NIPBL: variants seen among roughly 807,000 people sequenced by gnomAD.
The protein encoded by NIPBL is nipped-B-like protein.
NIPBL carries 19 observed loss-of-function variants against 321.8 expected under a neutral mutation model. The ratio of observed to expected loss-of-function variants is 0.06; its 90% CI spans 0.04 to 0.09. The LOEUF is 0.09. NIPBL is among the 10% of genes least tolerant of loss of function. The pLI, the probability that NIPBL is intolerant of heterozygous loss-of-function variation, is 1.00. For missense variants in NIPBL, 2,210 were observed against 3,327.0 expected, an observed-to-expected ratio of 0.66 and a Z score of 8.26; for synonymous variants, 1,106 against 1,114.1, an observed-to-expected ratio of 0.99 and a Z score of 0.14.
chr5:36,980,795 C>G (rs1274935505), intron 9 of NIPBL, among the ~76,000 whole-genome samples: 3 of 151,646 alleles, frequency 2.0e-5, no homozygotes, highest in Non-Finnish European at 4.4e-5. Context: ...CATTTGAAAA[C>G]TTTTGGAACT....
At position 37,045,605 on chromosome 5, in the gene NIPBL, T is replaced by G. The variant is rs1203552380; in HGVS notation, c.6498+8T>G. 14 of 1,612,910 alleles carry G rather than the reference T, an allele frequency of 8.7e-6. No homozygotes were observed. Among genetic ancestry groups the G allele is most frequent in the Non-Finnish European group, 1.2e-5 (14 of 1,178,954 alleles). On this transcript the variant is annotated splice_region_variant and intron_variant, in intron 37 of 46. Transcript: ENST00000282516. The stretch of plus-strand genomic sequence containing the variant: ...TTTAAAGGCAACAGCAAGGTAAAGG[T>G]AGTAATACTTAAAATGCTATAAAAC...
rs1579572757 is a variant in NIPBL, at chr5:37,049,292, T to C, written c.6945T>C (p.His2315=). 1 of 1,614,042 alleles carries C rather than the reference T, an allele frequency of 6.2e-7. No individual in the cohort carries two copies. ...TGACTCTAAATCAAGGTCTTATTCA[T>C]CCAGTTCAGGTAAGCATGTTTTATG... The part of the protein sequence containing the change: ...IALTLNQGLI[H]PVQCVPYLIA... The change falls in exon 40 of 47, where the codon CAT becomes CAC. Residue 2315 remains histidine (H), a synonymous_variant. Coordinates refer to ENST00000282516, the MANE Select transcript of NIPBL (RefSeq NM_133433.4).
chr5:36,957,155 C>A (rs1741058819), intron 3 of NIPBL, among the ~76,000 whole-genome samples: 1 of 152,056 alleles, frequency 6.6e-6, no homozygotes. Flanking sequence ...AAAACACTGC[C>A]TATACTTAAT....
intron 40 of NIPBL, among the ~76,000 whole-genome samples, chr5:37,050,189 G>C (rs947680061): frequency 6.6e-6 from 1 of 151,814 alleles, no homozygotes; most frequent in Non-Finnish European, 1.5e-5. Flanking sequence ...AAGGAGTCAG[G>C]TGCAGTGGCT....
intron 1 of NIPBL, among the ~76,000 whole-genome samples, chr5:36,952,083 T>TGC (rs1561070623): frequency 2.1e-5 from 3 of 145,026 alleles, no homozygotes; most frequent in East Asian, 2.1e-4. Flanking sequence ...CATGTGTGTG[T>TGC]GTAGCAGTTT....
At chr5:36,987,916 AT>A (rs1303399358) in intron 10 of NIPBL, among the ~76,000 whole-genome samples, 1 of 152,128 alleles carries the variant, frequency 6.6e-6, no homozygotes, top group Non-Finnish European at 1.5e-5. Flanking sequence ...TTTCTTTAAA[AT>A]TTTTTAGTGA....
chr5:36,880,508 C>A (rs1335937063), intron 1 of NIPBL, among the ~76,000 whole-genome samples: 2 of 151,892 alleles, frequency 1.3e-5, no homozygotes, highest in African/African-American at 2.4e-5. Flanking sequence ...AACAGTAATT[C>A]CTTTTAGAGA....
chr5:36,958,279 T>C (rs777729612), intron 4 of NIPBL, 48 bp downstream of exon 4: 1 of 1,590,290 alleles, frequency 6.3e-7, no homozygotes, highest in East Asian at 2.2e-5. Flanking sequence ...GTTTTATACA[T>C]ATTTAAATCC....
intron 32 of NIPBL, among the ~76,000 whole-genome samples, chr5:37,033,031 A>G (rs574689813): frequency 1.3e-5 from 2 of 152,336 alleles, no homozygotes; most frequent in Non-Finnish European, 2.9e-5. Context: ...TGGCTAATAT[A>G]TGTGTGTAGG....
At position 36,958,130 on chromosome 5, in the gene NIPBL, A is replaced by G; in HGVS notation, c.257A>G (p.Asp86Gly). The change falls in exon 4 of 47, where the codon GAT becomes GGT. Residue 86 changes from aspartate to glycine, a missense_variant. Asp to Gly is a moderately conservative substitution (Grantham distance 94). Around this residue, in one of 14 missense-constraint regions of NIPBL, gnomAD observed 464 missense variants for 529.5 expected, o/e 0.88. Transcript: ENST00000282516. ...HIELKDNLGSDDPEGDIPVLL... is the reference protein window; with the variant it reads ...HIELKDNLGSGDPEGDIPVLL... ...GAGTTGAAAGATAACCTTGGCAGTGATGACCCAGAAGGTGACATACCAGTC... is the reference window on the plus strand; with the variant it reads ...GAGTTGAAAGATAACCTTGGCAGTGGTGACCCAGAAGGTGACATACCAGTC... 6.2e-7 allele frequency: 1 copy of G among 1,614,078 alleles called. No homozygotes were observed. The highest frequency in any genetic ancestry group is 1.1e-5 in the South Asian group (1 of 91,082).
chr5:37,003,495 G>C (rs1168241835), intron 16 of NIPBL, 148 bp downstream of exon 16: 5 of 575,488 alleles, frequency 8.7e-6, no homozygotes, highest in Non-Finnish European at 1.6e-5. Flanking sequence ...TTTTATTACA[G>C]TCTATTGTTC....
intron 32 of NIPBL, among the ~76,000 whole-genome samples, chr5:37,034,372 C>G (rs1033755719): frequency 6.6e-6 from 1 of 152,038 alleles, no homozygotes; most frequent in African/African-American, 2.4e-5. Flanking sequence ...ATCCAATGAC[C>G]CAGCAATTCG....
At chr5:36,967,013 A>G (rs1028434312) in intron 6 of NIPBL, among the ~76,000 whole-genome samples, 1 of 152,030 alleles carries the variant, frequency 6.6e-6, no homozygotes, top group Non-Finnish European at 1.5e-5. Context: ...TATAAATTAC[A>G]TAAATATAAA....
intron 34 of NIPBL, 88 bp from the exon 35 acceptor site, chr5:37,044,259 C>A: frequency 1.7e-6 from 2 of 1,205,296 alleles, no homozygotes; most frequent in Non-Finnish European, 1.2e-6. Flanking sequence ...GTGCAAAATG[C>A]CCTATTTCTG....
intron 9 of NIPBL, 119 bp downstream of exon 9, chr5:36,976,521 T>C: frequency 1.1e-6 from 1 of 939,866 alleles, no homozygotes; most frequent in Non-Finnish European, 1.6e-6. Flanking sequence ...TCTACTCAAG[T>C]ACATATTTTT....
chr5:37,055,621 C>T (rs1303722224), intron 42 of NIPBL, among the ~76,000 whole-genome samples: 1 of 151,950 alleles, frequency 6.6e-6, no homozygotes, highest in African/African-American at 2.4e-5. Flanking sequence ...TAGTCAGATG[C>T]TACTGAGAAG....
At chr5:36,944,669 G>T (rs1050384163) in intron 1 of NIPBL, among the ~76,000 whole-genome samples, 14 of 151,806 alleles carry the variant, frequency 9.2e-5, no homozygotes, top group African/African-American at 3.1e-4. Flanking sequence ...ACACACTTCA[G>T]GATCTTTTGC....
chr5:36,928,829 T>C (rs1474000407), intron 1 of NIPBL, among the ~76,000 whole-genome samples: 1 of 152,208 alleles, frequency 6.6e-6, no homozygotes, highest in Non-Finnish European at 1.5e-5. Flanking sequence ...ATTTATGACA[T>C]AACGTATCAG....
At chr5:36,951,553 T>A (rs557211027) in intron 1 of NIPBL, among the ~76,000 whole-genome samples, 1 of 152,162 alleles carries the variant, frequency 6.6e-6, no homozygotes, top group Non-Finnish European at 1.5e-5. Flanking sequence ...TTAGGAAAAA[T>A]TCATTGTGTT....
Sources: allele counts gnomAD v4.1 joint callset (sites outside exome capture counted in the v4.1 genomes callset), GRCh38; gene constraint gnomAD v4.1.1; regional missense constraint gnomAD v4.1.1; transcripts MANE v1.5; gene names NCBI Gene and HGNC (gene_info 2026-07-23, HGNC 2026-07-21).